Variants in MYO10 observed in about 807,000 individuals in gnomAD.
MYO10 encodes the protein myosin X.
A neutral mutation model predicts 257.3 loss-of-function variants in MYO10; 133 were observed. That is an observed-to-expected ratio of 0.52 (90% CI 0.45 to 0.60). MYO10 has a LOEUF of 0.60. Among genes scored for constraint, MYO10 ranks in the 20% least tolerant of loss-of-function variants. The pLI is 0.00. For synonymous variants in MYO10, 1,104 were observed against 1,028.6 expected, an observed-to-expected ratio of 1.07 and a Z score of -1.40; for missense variants, 2,399 against 2,635.7, an observed-to-expected ratio of 0.91 and a Z score of 1.97.
intron 2 of MYO10, among the ~76,000 whole-genome samples, chr5:16,827,514 C>G (rs766834917): frequency 6.6e-6 from 1 of 152,050 alleles, no homozygotes; most frequent in African/African-American, 2.4e-5. Flanking sequence ...CTCGAACTCC[C>G]GTACTCAAGT....
Position 16,845,579 on chromosome 5 carries a change from T to C in MYO10, c.121-27412A>G, listed in dbSNP as rs138244557. Among the ~76,000 whole-genome samples, 1,047 of 152,110 alleles carry C rather than the reference T, an allele frequency of 6.9e-3. 13 individuals are homozygous for C. The highest frequency in any genetic ancestry group is 0.024 in the African/African-American group (979 of 41,490). Reference sequence around the variant, plus strand: ...CTACTCCAGAGTTGAGGCAGGAGGATTGCTTGAGCCCAGGAGCTCTCATGG... The same window carrying C: ...CTACTCCAGAGTTGAGGCAGGAGGACTGCTTGAGCCCAGGAGCTCTCATGG... On this transcript the variant is annotated intron_variant, in intron 2 of 40. Transcript: ENST00000513610.
chr5:16,894,669 G>A (rs1056148740), intron 1 of MYO10, among the ~76,000 whole-genome samples: 13 of 152,166 alleles, frequency 8.5e-5, no homozygotes, highest in Non-Finnish European at 1.3e-4. Flanking sequence ...GATTAGTAAG[G>A]GACACGCCTC....
intron 3 of MYO10, 46 bp from the exon 4 acceptor site, chr5:16,794,879 C>T (rs1421117623): frequency 1.5e-6 from 2 of 1,341,894 alleles, no homozygotes; most frequent in African/African-American, 1.5e-5. Context: ...CTAACCCAGG[C>T]CACTGGATGA....
intron 1 of MYO10, among the ~76,000 whole-genome samples, chr5:16,893,633 C>CAAAAAAAAAAAA (rs58021066): frequency 1.7e-5 from 1 of 57,214 alleles, no homozygotes; most frequent in African/African-American, 6.1e-5. Context: ...GACTCTGTCT[C>CAAAAAAAAAAAA]AAAAAAAAAA....
At chr5:16,809,264 C>G (rs1477420173) in intron 3 of MYO10, among the ~76,000 whole-genome samples, 1 of 152,200 alleles carries the variant, frequency 6.6e-6, no homozygotes, top group Non-Finnish European at 1.5e-5. Flanking sequence ...CCCAAGGGCA[C>G]CCCAATGCCA....
intron 2 of MYO10, among the ~76,000 whole-genome samples, chr5:16,855,994 G>A (rs1273007319): frequency 6.6e-6 from 1 of 152,162 alleles, no homozygotes; most frequent in African/African-American, 2.4e-5. Context: ...GATGAACGAC[G>A]GACTTTAACG....
At chr5:16,824,976 A>G (rs1742958009) in intron 2 of MYO10, among the ~76,000 whole-genome samples, 1 of 152,180 alleles carries the variant, frequency 6.6e-6, no homozygotes, top group Non-Finnish European at 1.5e-5. Context: ...GTCATATTAT[A>G]TTCATTCGTT....
intron 4 of MYO10, among the ~76,000 whole-genome samples, chr5:16,789,687 G>T (rs1239262991): frequency 6.6e-6 from 1 of 152,128 alleles, no homozygotes; most frequent in African/African-American, 2.4e-5. Flanking sequence ...CAGCTACCTG[G>T]GAGGCTGAAG....
chr5:16,763,399 GC>G (rs1181135429), intron 14 of MYO10, 81 bp downstream of exon 14: 1 of 1,060,882 alleles, frequency 9.4e-7, no homozygotes, highest in Non-Finnish European at 1.5e-6. Flanking sequence ...GCGTGTTCGT[GC>G]ACGTTATTTT....
intron 16 of MYO10, among the ~76,000 whole-genome samples, 195 bp downstream of exon 16, chr5:16,761,850 T>C (rs537094028): frequency 6.6e-6 from 1 of 151,860 alleles, no homozygotes; most frequent in African/African-American, 2.4e-5. Context: ...GTTTTTTATA[T>C]CTATGTTGCC....
intron 2 of MYO10, among the ~76,000 whole-genome samples, chr5:16,851,068 T>A (rs1001933832): frequency 2.6e-5 from 4 of 152,164 alleles, no homozygotes; most frequent in African/African-American, 9.7e-5. Flanking sequence ...GCTCCCAAAG[T>A]GCTGGGATTA....
At chr5:16,759,477 A>C (rs1395938133) in intron 17 of MYO10, among the ~76,000 whole-genome samples, 1 of 152,192 alleles carries the variant, frequency 6.6e-6, no homozygotes, top group African/African-American at 2.4e-5. Context: ...TTTGGAGAGA[A>C]GCTTTGGTTC....
intron 2 of MYO10, among the ~76,000 whole-genome samples, chr5:16,820,958 T>C (rs531192703): frequency 1.3e-4 from 19 of 147,872 alleles, no homozygotes; most frequent in Admixed American, 6.8e-4. Flanking sequence ...TATACATCTA[T>C]ACATATAAAA....
At chr5:16,706,613 GTGACACAGCGATGACGTGAACAAGTGGAA>G (rs1738359557) in intron 21 of MYO10, among the ~76,000 whole-genome samples, 2 of 152,176 alleles carry the variant, frequency 1.3e-5, no homozygotes, top group African/African-American at 4.8e-5. Context: ...ACTCTCATGA[GTGACACAGCGATGACGTGAACAAGTGGAA>G]ACCTTTGTGA....
chr5:16,711,256 C>CAAAAA lies in MYO10; in HGVS notation c.1930-16_1930-12dup, dbSNP rs3214558. The CAAAAA allele has an allele frequency of 2.0e-6, 3 of 1,522,506 alleles. No homozygotes were observed. Among genetic ancestry groups the CAAAAA allele is most frequent in the African/African-American group, 1.4e-5 (1 of 70,900 alleles). 94.3% of individuals were successfully genotyped at this position (1,522,506 alleles called of 1,614,324 possible). ...AAACTGGTCTGGCATCTAAACCATG[C>CAAAAA]AAAAAAAAAAGATGGGATACCATTA... On this transcript the variant is annotated splice_polypyrimidine_tract_variant and intron_variant, in intron 19 of 40. Transcript: ENST00000513610.
intron 19 of MYO10, among the ~76,000 whole-genome samples, chr5:16,740,021 TGAA>T (rs780539480): frequency 6.6e-6 from 1 of 152,102 alleles, no homozygotes; most frequent in African/African-American, 2.4e-5. Context: ...ACCCCTAGGA[TGAA>T]GAAGAACAGA....
chr5:16,895,351 C>A (rs114376068), intron 1 of MYO10, among the ~76,000 whole-genome samples: 1 of 152,166 alleles, frequency 6.6e-6, no homozygotes, highest in African/African-American at 2.4e-5. Context: ...AGGAGGCTGA[C>A]GTCTGAGGTC....
intron 1 of MYO10, among the ~76,000 whole-genome samples, chr5:16,920,135 T>G (rs1248636165): frequency 6.7e-6 from 1 of 149,070 alleles, no homozygotes; most frequent in Non-Finnish European, 1.5e-5. Flanking sequence ...TTAGCTGGGC[T>G]TGGTGGCACA....
rs375452087 is a variant in MYO10 at position 16,794,847 on chromosome 5, G to A, written c.280-14C>T. The A allele has an allele frequency of 8.1e-4, 1,199 of 1,472,392 alleles. 6 individuals carry two copies. The highest frequency in any genetic ancestry group is 9.6e-4 in the Non-Finnish European group (1,058 of 1,103,322). 91.2% of individuals were successfully genotyped at this position (1,472,392 alleles called of 1,614,324 possible). A position where few individuals can be genotyped will look rare whatever the true frequency, so the allele number is the denominator to read the frequency against. ...GCCGATGTAGGTCTGCAAGCACAGA[G>A]TGAGACAGGGATGCGTCACTTCTAA... On this transcript the variant is annotated splice_polypyrimidine_tract_variant and intron_variant, in intron 3 of 40. Transcript: ENST00000513610.
Sources: gnomAD v4.1 joint callset for allele counts (sites outside exome capture counted in the v4.1 genomes callset) on GRCh38, gnomAD v4.1.1 for gene constraint, MANE v1.5 for transcripts, NCBI Gene and HGNC (gene_info 2026-07-23, HGNC 2026-07-21) for gene names.